The following NRXN3 variants were observed in gnomAD, a reference collection of about 807,000 sequenced individuals.
NRXN3 encodes neurexin III.
NRXN3 carries 32 observed loss-of-function variants against 137.6 expected under a neutral mutation model. The ratio of observed to expected loss-of-function variants is 0.23; its 90% CI spans 0.18 to 0.31. NRXN3 has a LOEUF of 0.31. Among genes scored for constraint, NRXN3 ranks in the 10% least tolerant of loss-of-function variants. The pLI is 1.00. For synonymous variants in NRXN3, 798 were observed against 784.5 expected (o/e 1.02, Z -0.29); for missense variants, 1,574 against 2,062.5 (o/e 0.76, Z 4.59).
intron 4 of NRXN3, among the ~76,000 whole-genome samples, chr14:78,454,109 C>T (rs1440576086): frequency 3.9e-5 from 6 of 152,134 alleles, no homozygotes; most frequent in Admixed American, 3.9e-4. Flanking sequence ...TACTGTGTGC[C>T]AGGCACAATA....
intron 10 of NRXN3, among the ~76,000 whole-genome samples, chr14:78,935,711 T>C (rs1390429474): frequency 6.6e-6 from 1 of 152,122 alleles, no homozygotes; most frequent in Non-Finnish European, 1.5e-5. Context: ...TATCCCACCA[T>C]CTCATACTCA....
intron 10 of NRXN3, among the ~76,000 whole-genome samples, chr14:78,825,870 A>C (rs1423769172): frequency 2.0e-5 from 3 of 152,230 alleles, no homozygotes; most frequent in Non-Finnish European, 4.4e-5. Flanking sequence ...GTAAGGTCAC[A>C]TTATTAAGAG....
In NRXN3 at chr14:78,173,709, C is replaced by CTTTTTTTTTT. The variant is rs10638142; in HGVS notation, c.-704+3041_-704+3050dup. On this transcript the variant is annotated intron_variant, in intron 1 of 20. Transcript: ENST00000335750. ...CGGCTCTTTTTTCCCTTTTTCCTTG[C>CTTTTTTTTTT]TTTTTTTTTTTTTTTGCAACACAAC... 7.4e-4 allele frequency among the ~76,000 whole-genome samples: 51 copies of CTTTTTTTTTT among 69,332 alleles called. 9 individuals are homozygous for CTTTTTTTTTT. Among genetic ancestry groups the CTTTTTTTTTT allele is most frequent in the Non-Finnish European group, 9.1e-4 (37 of 40,662 alleles). The allele number at this position is 69,332 out of a possible 152,430, so 45.5% of individuals were successfully genotyped here. A position where few individuals can be genotyped will look rare whatever the true frequency, so the allele number is the denominator to read the frequency against.
At chr14:78,853,307 A>G (rs31355) in intron 10 of NRXN3, among the ~76,000 whole-genome samples, 17,952 of 152,146 alleles carry the variant, frequency 0.12, 1,700 homozygotes, top group African/African-American at 0.25. Flanking sequence ...TATGAGTGAG[A>G]ACATGCGGTG....
At position 79,376,255 on chromosome 14, in the gene NRXN3, TATATATATATAC is replaced by T. The variant is rs1340874834; in HGVS notation, c.3263-90964_3263-90953del. ...ATATATATATATATATATATATATA[TATATATATATAC>T]ACATACATATGACTCCAAAAACAAT... On this transcript the variant is annotated intron_variant, in intron 15 of 20. Transcript: ENST00000335750. Among the ~76,000 whole-genome samples the T allele has an allele frequency of 5.5e-3, 265 of 48,370 alleles. 3 individuals are homozygous for T. Among genetic ancestry groups the T allele is most frequent in the Non-Finnish European group, 8.6e-3 (183 of 21,264 alleles). 31.7% of individuals were successfully genotyped at this position (48,370 alleles called of 152,430 possible).
Position 79,663,933 on chromosome 14 carries a change from T to C in NRXN3, c.3600T>C (p.Asn1200=), listed in dbSNP as rs367654625. 6.2e-7 allele frequency: 1 copy of C among 1,613,500 alleles called. No individual in the cohort carries two copies. Among genetic ancestry groups the C allele is most frequent in the African/African-American group, 1.3e-5 (1 of 75,012 alleles). The stretch of plus-strand genomic sequence containing the variant: ...TGCAGGTGGACAACTGGCCAGTGAA[T>C]GAACATTATCCTACAGGTACATGTT... ...ATLQVDNWPV[N]EHYPTGNTDN... The change falls in exon 17 of 21, where the codon AAT becomes AAC. Residue 1200 remains asparagine (N), a synonymous_variant. Coordinates refer to ENST00000335750, the MANE Select transcript of NRXN3 (RefSeq NM_001330195.2).
At chr14:78,842,154 G>C (rs966237068) in intron 10 of NRXN3, among the ~76,000 whole-genome samples, 1 of 152,046 alleles carries the variant, frequency 6.6e-6, no homozygotes, top group Non-Finnish European at 1.5e-5. Flanking sequence ...CGAGGAGATT[G>C]GTTGCATTAT....
chr14:79,499,967 G>GTGTGTGTGTGTGTGTGTC lies in NRXN3; in HGVS notation c.3444+32582_3444+32583insCTGTGTGTGTGTGTGTGT, dbSNP rs1371229311. On this transcript the variant is annotated intron_variant, in intron 16 of 20. Coordinates refer to ENST00000335750, the MANE Select transcript of NRXN3 (RefSeq NM_001330195.2). ...AGTTATCTTAGGGTCGTGTGTGTGTGTGTGTGTGTGTGTGTGTGTGTGTGT... is the reference window on the plus strand; with the variant it reads ...AGTTATCTTAGGGTCGTGTGTGTGTGTGTGTGTGTGTGTGTGTCTGTGTGTGTGTGTGTGTGTGTGTGT... Among the ~76,000 whole-genome samples, 73 of 151,310 alleles carry GTGTGTGTGTGTGTGTGTC rather than the reference G, an allele frequency of 4.8e-4. 2 individuals are homozygous for GTGTGTGTGTGTGTGTGTC. In the East Asian group the frequency reaches 0.014, roughly 29 times the overall value.
At chr14:79,630,489 CAA>C (rs2098333567) in intron 16 of NRXN3, among the ~76,000 whole-genome samples, 1 of 152,164 alleles carries the variant, frequency 6.6e-6, no homozygotes, top group Non-Finnish European at 1.5e-5. Flanking sequence ...TGGTTCAAGT[CAA>C]AAGAGTTTCT....
intron 15 of NRXN3, among the ~76,000 whole-genome samples, chr14:79,057,963 T>G (rs187789365): frequency 6.6e-6 from 1 of 152,142 alleles, no homozygotes; most frequent in Non-Finnish European, 1.5e-5. Flanking sequence ...AGGTACGGAA[T>G]GAGGCATAAA....
chr14:78,405,487 G>A lies in NRXN3; in HGVS notation c.757+107627G>A, dbSNP rs60826461. 6.1e-3 allele frequency among the ~76,000 whole-genome samples: 920 copies of A among 152,056 alleles called. 10 individuals are homozygous for A. Among genetic ancestry groups the A allele is most frequent in the African/African-American group, 0.021 (871 of 41,462 alleles). ...TTCTATTATTTTCTCAGCTGCAAAA[G>A]TACACTATTATCACTGATCATTCCC... On this transcript the variant is annotated intron_variant, in intron 4 of 20. Transcript: ENST00000335750.
chr14:78,910,576 G>C (rs1472613785), intron 10 of NRXN3, among the ~76,000 whole-genome samples: 1 of 151,936 alleles, frequency 6.6e-6, no homozygotes, highest in African/African-American at 2.4e-5. Flanking sequence ...TTAGCAGCTT[G>C]AATGTCATTC....
chr14:78,396,640 ATGT>A (rs1363122755), intron 4 of NRXN3, among the ~76,000 whole-genome samples: 3 of 152,212 alleles, frequency 2.0e-5, no homozygotes, highest in African/African-American at 7.2e-5. Flanking sequence ...CATTTAAAAC[ATGT>A]TGTGCCACTT....
intron 4 of NRXN3, among the ~76,000 whole-genome samples, chr14:78,397,092 G>T (rs957696724): frequency 6.6e-6 from 1 of 152,168 alleles, no homozygotes; most frequent in African/African-American, 2.4e-5. Flanking sequence ...TTCAACATAT[G>T]AATTTTAGGG....
intron 15 of NRXN3, among the ~76,000 whole-genome samples, chr14:79,030,610 T>G (rs1256514380): frequency 6.8e-6 from 1 of 146,174 alleles, no homozygotes; most frequent in Admixed American, 6.8e-5. Flanking sequence ...TACAGGTACA[T>G]GGCTTTTTGT....
chr14:79,284,343 C>CATACAT (rs1177586135), intron 15 of NRXN3, among the ~76,000 whole-genome samples: 51 of 65,090 alleles, frequency 7.8e-4, no homozygotes, highest in African/African-American at 2.6e-3. Flanking sequence ...ACTAAAAATA[C>CATACAT]ATATATATAT....
At chr14:78,254,570 T>G (rs10149437) in intron 2 of NRXN3, among the ~76,000 whole-genome samples, 2 of 151,916 alleles carry the variant, frequency 1.3e-5, no homozygotes, top group Admixed American at 1.3e-4. Context: ...TCCCAGCTAC[T>G]TGGGAGGCTG....
intron 4 of NRXN3, among the ~76,000 whole-genome samples, chr14:78,449,940 AC>A (rs1157064732): frequency 1.3e-5 from 2 of 152,170 alleles, no homozygotes; most frequent in Admixed American, 6.5e-5. Context: ...CCATTCTCTA[AC>A]AGACCATTGG....
chr14:78,769,106 AC>A (rs2098718616), intron 8 of NRXN3, among the ~76,000 whole-genome samples: 3 of 152,132 alleles, frequency 2.0e-5, no homozygotes, highest in African/African-American at 7.2e-5. Flanking sequence ...ATTAAGAGTT[AC>A]CTTATTAGGA....
Sources: gnomAD v4.1 joint callset for allele counts (sites outside exome capture counted in the v4.1 genomes callset) on GRCh38, gnomAD v4.1.1 for gene constraint, MANE v1.5 for transcripts, NCBI Gene and HGNC (gene_info 2026-07-23, HGNC 2026-07-21) for gene names.